RAD54L: variants seen among roughly 807,000 people sequenced by gnomAD.
RAD54L encodes DNA repair and recombination protein RAD54-like.
In RAD54L, 74 loss-of-function variants were observed where a neutral mutation model predicts 91.6. That is an observed-to-expected ratio of 0.81 (90% CI 0.67 to 0.98). RAD54L has a LOEUF of 0.98. RAD54L is among the 50% of genes least tolerant of loss of function. RAD54L has a pLI of 0.00. For synonymous variants in RAD54L, 304 were observed against 349.7 expected (o/e 0.87, Z 1.46); for missense variants, 887 against 945.7 (o/e 0.94, Z 0.81).
intron 8 of RAD54L, among the ~76,000 whole-genome samples, chr1:46,264,631 A>C (rs1032341186): frequency 6.6e-5 from 10 of 152,270 alleles, no homozygotes; most frequent in Admixed American, 3.9e-4. Flanking sequence ...CAAGTGTATA[A>C]ATAGCAGAGG....
At chr1:46,276,346 G>A (rs1660601819) in intron 16 of RAD54L, among the ~76,000 whole-genome samples, 1 of 151,970 alleles carries the variant, frequency 6.6e-6, no homozygotes, top group East Asian at 1.9e-4. Flanking sequence ...TTTATTTTTT[G>A]TAGAGAAGGG....
chr1:46,250,955 T>A (rs1659780896), intron 3 of RAD54L, among the ~76,000 whole-genome samples: 1 of 124,698 alleles, frequency 8.0e-6, no homozygotes. Flanking sequence ...TGGGCAAGAG[T>A]GAGACTCGGT....
At position 46,277,876 on chromosome 1, in the gene RAD54L, C is replaced by CTG; in HGVS notation, c.1934_1935dup (p.Val646TrpfsTer8). 1 of 1,613,918 alleles carries CTG rather than the reference C, an allele frequency of 6.2e-7. No homozygotes were observed. Among genetic ancestry groups the CTG allele is most frequent in the Non-Finnish European group, 8.5e-7 (1 of 1,179,840 alleles). On this transcript the variant is annotated frameshift_variant, in exon 17 of 18. Coordinates refer to ENST00000371975, the MANE Select transcript of RAD54L (RefSeq NM_003579.4). LOFTEE classifies it high-confidence loss of function. Reference sequence around the variant, plus strand: ...AGAGCCACAAGAAGGCACTGAGCAGCTGTGTGGTGGATGAGGAGCAGGATG... The same window carrying CTG: ...AGAGCCACAAGAAGGCACTGAGCAGCTGTGTGTGGTGGATGAGGAGCAGGATG...
intron 3 of RAD54L, among the ~76,000 whole-genome samples, chr1:46,253,753 T>C (rs1022578654): frequency 3.3e-5 from 3 of 91,860 alleles, no homozygotes; most frequent in African/African-American, 1.2e-4. Flanking sequence ...AGACAGAGTC[T>C]TGTGTTCTCA....
intron 3 of RAD54L, 86 bp from the exon 4 acceptor site, chr1:46,258,600 T>C: frequency 9.4e-7 from 1 of 1,060,278 alleles, no homozygotes; most frequent in East Asian, 2.4e-5. Context: ...GATGCTGTTG[T>C]ACAAAACCTA....
chr1:46,276,356 G>A (rs917482092), intron 16 of RAD54L, among the ~76,000 whole-genome samples: 4 of 151,970 alleles, frequency 2.6e-5, no homozygotes, highest in African/African-American at 9.7e-5. Context: ...GTAGAGAAGG[G>A]GTCTTGCTAT....
intron 2 of RAD54L, 86 bp from the exon 3 acceptor site, chr1:46,249,914 A>G: frequency 6.8e-7 from 1 of 1,474,676 alleles, no homozygotes. Flanking sequence ...AGTGCCTGGC[A>G]CTTAATAAGC....
intron 8 of RAD54L, among the ~76,000 whole-genome samples, chr1:46,261,989 G>C (rs992115441): frequency 6.6e-6 from 1 of 152,120 alleles, no homozygotes; most frequent in Non-Finnish European, 1.5e-5. Context: ...AAAATAGTCA[G>C]GTTTGGTGGT....
At position 46,259,984 on chromosome 1, in the gene RAD54L, T is replaced by C. The variant is rs1204468479; in HGVS notation, c.292T>C (p.Leu98=). ...NYQGPLGSRA[L]GLKRAGVRRA... is the part of the protein sequence containing the mutation. ...TGTAGGTCCTCTGGGCTCTCGAGCA[T>C]TGGGCCTGAAAAGGGCTGGGGTCCG... The change falls in exon 5 of 18, where the codon TTG becomes CTG. Residue 98 remains leucine, a synonymous_variant. Transcript: ENST00000371975. 3 of 1,614,012 alleles carry C rather than the reference T, an allele frequency of 1.9e-6. No individual in the cohort carries two copies. Among genetic ancestry groups the C allele is most frequent in the East Asian group, 4.5e-5 (2 of 44,892 alleles).
chr1:46,255,090 G>A (rs1456514649), intron 3 of RAD54L, among the ~76,000 whole-genome samples: 1 of 152,196 alleles, frequency 6.6e-6, no homozygotes, highest in Non-Finnish European at 1.5e-5. Context: ...CGTGATCTTG[G>A]CCAGAGTGGA....
chr1:46,251,604 T>G (rs1233675261), intron 3 of RAD54L, among the ~76,000 whole-genome samples: 1 of 152,138 alleles, frequency 6.6e-6, no homozygotes, highest in Non-Finnish European at 1.5e-5. Flanking sequence ...ATTGGTTCTT[T>G]GAACTTTAAA....
chr1:46,250,097 CT>C lies in RAD54L; in HGVS notation c.190del (p.Cys64ValfsTer37). ...TTGAGTCAGCTAACCAATCAACCAC[CT>C]TGTCTGGACAGCAGTCAGCATGTAA... ...KPLSQLTNQP[P>X]CLDSSQHEAF... On this transcript the variant is annotated frameshift_variant, in exon 3 of 18. Transcript: ENST00000371975. LOFTEE classifies it high-confidence loss of function. 1 of 1,614,192 alleles carries C rather than the reference CT, an allele frequency of 6.2e-7. No individual in the cohort carries two copies. The highest frequency in any genetic ancestry group is 8.5e-7 in the Non-Finnish European group (1 of 1,180,044).
intron 9 of RAD54L, 23 bp downstream of exon 9, chr1:46,267,632 C>A: frequency 6.3e-7 from 1 of 1,591,338 alleles, no homozygotes; most frequent in Non-Finnish European, 8.6e-7. Context: ...CCTTGTTTGC[C>A]ACATCAGAGA....
chr1:46,272,025 CTTTTTTTTTTTTTT>C (rs1162693010), intron 10 of RAD54L, among the ~76,000 whole-genome samples: 43 of 41,170 alleles, frequency 1.0e-3, no homozygotes, highest in African/African-American at 2.1e-3. Flanking sequence ...GGTCTGATGA[CTTTTTTTTTTTTTT>C]TTTTTTTTTT....
At position 46,263,629 on chromosome 1, in the gene RAD54L, G is replaced by A. The variant is rs1028033560; in HGVS notation, c.891+2244G>A. ...CCTGGTAGGAGTAGGGAACTTACCA[G>A]GTTGAGGTGAGGTATGCATGTTACT... On this transcript the variant is annotated intron_variant, in intron 8 of 17. Coordinates refer to ENST00000371975, the MANE Select transcript of RAD54L (RefSeq NM_003579.4). This position sits in a 1 kb window ranked among gnomAD's most constrained non-coding sequence, Gnocchi z 4.3. Among the ~76,000 whole-genome samples, 1 of 152,080 alleles carries A rather than the reference G, an allele frequency of 6.6e-6. No individual in the cohort carries two copies. Among genetic ancestry groups the A allele is most frequent in the Admixed American group, 6.6e-5 (1 of 15,256 alleles).
intron 14 of RAD54L, 26 bp downstream of exon 14, chr1:46,273,773 CA>C (rs1194909496): frequency 5.1e-6 from 8 of 1,583,232 alleles, no homozygotes; most frequent in Non-Finnish European, 6.9e-6. Context: ...ACCAGGATGC[CA>C]AAGGGGGATA....
At chr1:46,266,923 G>A (rs1255594081) in intron 8 of RAD54L, among the ~76,000 whole-genome samples, 5 of 152,206 alleles carry the variant, frequency 3.3e-5, no homozygotes, top group Non-Finnish European at 7.3e-5. Flanking sequence ...TCTGGAAACA[G>A]GAAGTCTGTC....
Position 46,248,586 on chromosome 1 carries a change from A to G in RAD54L, c.78A>G (p.Gln26=). The G allele has an allele frequency of 6.2e-7, 1 of 1,614,128 alleles. No homozygotes were observed. Among genetic ancestry groups the G allele is most frequent in the South Asian group, 1.1e-5 (1 of 91,078 alleles). The part of the protein sequence containing the change: ...EGRSCDDEDW[Q]PGLVTPRKRK... ...GGTCCTGTGATGATGAAGACTGGCA[A>G]CCTGGCCTAGTGGTGAGCACTCAAG... is the stretch of plus-strand genomic sequence containing the variant. Residue 26 remains glutamine (Q), a synonymous_variant, in exon 2 of 18, where the codon CAA becomes CAG. Coordinates refer to ENST00000371975, the MANE Select transcript of RAD54L (RefSeq NM_003579.4).
intron 15 of RAD54L, 86 bp downstream of exon 15, chr1:46,274,302 A>ATTTTT: frequency 8.5e-7 from 1 of 1,182,022 alleles, no homozygotes; most frequent in Non-Finnish European, 1.2e-6. Context: ...GGTTACCTTG[A>ATTTTT]TTTTTTTTTT....
Sources: allele counts gnomAD v4.1 joint callset (sites outside exome capture counted in the v4.1 genomes callset), GRCh38; gene constraint gnomAD v4.1.1; non-coding constraint Gnocchi (gnomAD v3.1); transcripts MANE v1.5; gene names NCBI Gene and HGNC (gene_info 2026-07-23, HGNC 2026-07-21).